TRPV4: variants seen among roughly 807,000 people sequenced by gnomAD.
TRPV4 encodes transient receptor potential cation channel subfamily V member 4, also known as OSM9-like transient receptor potential channel 4.
In TRPV4, 58 loss-of-function variants were observed where a neutral mutation model predicts 84.1. That is an observed-to-expected ratio of 0.69 (90% CI 0.56 to 0.86). TRPV4 has a LOEUF of 0.86. Ranked by LOEUF, TRPV4 falls within the 40% of genes least tolerant of loss-of-function variation. TRPV4 has a pLI of 0.00. For synonymous variants in TRPV4, 489 were observed against 500.9 expected (o/e 0.98, Z 0.32); for missense variants, 879 against 1,181.1 (o/e 0.74, Z 3.75).
Position 109,793,253 on chromosome 12 carries a change from T to C in TRPV4, c.1658+274A>G, listed in dbSNP as rs1374666688. Among the ~76,000 whole-genome samples, 1 of 152,192 alleles carries C rather than the reference T, an allele frequency of 6.6e-6. No individual in the cohort carries two copies. The highest frequency in any genetic ancestry group is 1.5e-5 in the Non-Finnish European group (1 of 68,026). ...AGACACAGGTGCAAAATTCTTAACA[T>C]GGCACTTCAGGCAGACATTAGCAAT... On this transcript the variant is annotated intron_variant, in intron 10 of 15. Transcript: ENST00000261740. This position sits in a 1 kb window ranked among gnomAD's most constrained non-coding sequence, Gnocchi z 4.0.
At chr12:109,805,344 G>A (rs1952010430) in intron 3 of TRPV4, among the ~76,000 whole-genome samples, 1 of 152,172 alleles carries the variant, frequency 6.6e-6, no homozygotes, top group South Asian at 2.1e-4. Flanking sequence ...CCCTGGATTC[G>A]GGCTTTCAGA....
At chr12:109,800,858 T>TG in intron 4 of TRPV4, 100 bp from the exon 5 acceptor site, 1 of 147,674 alleles carries the variant, frequency 6.8e-6, no homozygotes, top group Non-Finnish European at 1.3e-5. Flanking sequence ...AATTGGGGGG[T>TG]GGGGGATGCA....
chr12:109,797,976 G>A lies in TRPV4; in HGVS notation c.1152+638C>T, dbSNP rs1465807884. Among the ~76,000 whole-genome samples, 4 of 152,234 alleles carry A rather than the reference G, an allele frequency of 2.6e-5. No individual in the cohort carries two copies. The East Asian group carries it at 7.7e-4, about 29-fold the overall frequency. On this transcript the variant is annotated intron_variant, in intron 6 of 15. Coordinates refer to ENST00000261740, the MANE Select transcript of TRPV4 (RefSeq NM_021625.5). Reference sequence around the variant, plus strand: ...TGAGGTCACACACTGGGAAGTGGTAGCGCCAGGGCTTGGACAGGTGCTCCT... The same window carrying A: ...TGAGGTCACACACTGGGAAGTGGTAACGCCAGGGCTTGGACAGGTGCTCCT...
At chr12:109,820,513 CCTATTTTT>C (rs1191030923) in intron 1 of TRPV4, among the ~76,000 whole-genome samples, 2 of 106,728 alleles carry the variant, frequency 1.9e-5, no homozygotes, top group African/African-American at 3.1e-5. Context: ...CTTCAGCTGC[CCTATTTTT>C]TTTTTTTTTT....
Position 109,796,838 on chromosome 12 carries a change from T to A in TRPV4, c.1153-134A>T. ...TGGAGGACCCTTTCCTCATCTTGTT[T>A]AATTCTTGCTCTTATTATCTTGGTT... On this transcript the variant is annotated intron_variant, in intron 6 of 15. Transcript: ENST00000261740. This position sits in a 1 kb window ranked among gnomAD's most constrained non-coding sequence, Gnocchi z 4.2. The A allele has an allele frequency of 2.2e-6, 2 of 899,966 alleles. No homozygotes were observed. Among genetic ancestry groups the A allele is most frequent in the Non-Finnish European group, 3.3e-6 (2 of 614,986 alleles). The allele number at this position is 899,966 out of a possible 1,614,324, so 55.7% of individuals were successfully genotyped here.
chr12:109,826,451 T>C (rs777374563), intron 1 of TRPV4, among the ~76,000 whole-genome samples: 11 of 152,260 alleles, frequency 7.2e-5, no homozygotes, highest in Non-Finnish European at 1.3e-4. Context: ...ACCTATCATA[T>C]GCTAAGCACT....
At position 109,786,838 on chromosome 12, in the gene TRPV4, C is replaced by T. The variant is rs1262326007; in HGVS notation, c.2209-1G>A. ...CAATGTCCAGGATGGTGGTGGCCCACTGCGGGGAGGGAGGGTCAGGAGGGA... is the reference window on the plus strand; with the variant it reads ...CAATGTCCAGGATGGTGGTGGCCCATTGCGGGGAGGGAGGGTCAGGAGGGA... On this transcript the variant is annotated splice_acceptor_variant, in intron 13 of 15. Transcript: ENST00000261740. LOFTEE classifies it high-confidence loss of function. The surrounding 1 kb of genome is among the most constrained non-coding windows in gnomAD (Gnocchi z 4.5). The T allele has an allele frequency of 6.2e-7, 1 of 1,613,652 alleles. No homozygotes were observed. Among genetic ancestry groups the T allele is most frequent in the Non-Finnish European group, 8.5e-7 (1 of 1,179,936 alleles).
At chr12:109,788,203 A>G (rs1889812254) in intron 13 of TRPV4, among the ~76,000 whole-genome samples, 197 bp downstream of exon 13, 1 of 152,272 alleles carries the variant, frequency 6.6e-6, no homozygotes, top group African/African-American at 2.4e-5. Context: ...CCAGGCAAGA[A>G]GCCACCTCAA....
At chr12:109,794,255 T>G in intron 8 of TRPV4, 74 bp downstream of exon 8, 40 of 1,565,954 alleles carry the variant, frequency 2.6e-5, no homozygotes, top group Non-Finnish European at 3.2e-5. Flanking sequence ...CCCAGAAGGA[T>G]GAGGTTGTGC....
At position 109,783,216 on chromosome 12, in the gene TRPV4, C is replaced by T. The variant is rs886048937; in HGVS notation, c.*405G>A. On this transcript the variant is annotated 3_prime_UTR_variant, in exon 16 of 16. Transcript: ENST00000261740. This position sits in a 1 kb window ranked among gnomAD's most constrained non-coding sequence, Gnocchi z 4.6. ...GCTGCCACGCTGCCAAAAATGGTGGCGCATGCAGCTCAGGCGCAGGCTGAG... is the reference window on the plus strand; with the variant it reads ...GCTGCCACGCTGCCAAAAATGGTGGTGCATGCAGCTCAGGCGCAGGCTGAG... The T allele has an allele frequency of 6.8e-5, 13 of 189,844 alleles. No homozygotes were observed. The highest frequency in any genetic ancestry group is 2.3e-4 in the Admixed American group (4 of 17,514). 11.8% of individuals were successfully genotyped at this position (189,844 alleles called of 1,614,324 possible).
At chr12:109,830,408 T>A (rs1315739987) in intron 1 of TRPV4, among the ~76,000 whole-genome samples, 1 of 152,224 alleles carries the variant, frequency 6.6e-6, no homozygotes, top group African/African-American at 2.4e-5. Flanking sequence ...AAGTGCTCAA[T>A]AAAGGCTTGC....
chr12:109,801,122 G>A (rs936892580), intron 4 of TRPV4, among the ~76,000 whole-genome samples: 1 of 152,220 alleles, frequency 6.6e-6, no homozygotes, highest in Non-Finnish European at 1.5e-5. Context: ...AGGCAAGCCT[G>A]GGCAACACAG....
intron 1 of TRPV4, among the ~76,000 whole-genome samples, chr12:109,819,090 C>T (rs887172033): frequency 1.3e-5 from 2 of 152,080 alleles, no homozygotes; most frequent in African/African-American, 2.4e-5. Context: ...TGTACACACA[C>T]ACACACACAC....
In TRPV4 at chr12:109,814,811, C is replaced by G; in HGVS notation, c.-15G>C. On this transcript the variant is annotated 5_prime_UTR_variant, in exon 2 of 16. Coordinates refer to ENST00000261740, the MANE Select transcript of TRPV4 (RefSeq NM_021625.5). This position sits in a 1 kb window ranked among gnomAD's most constrained non-coding sequence, Gnocchi z 5.4. The stretch of plus-strand genomic sequence containing the variant: ...GAATCCGCCATGCCTGCCCCAGGCC[C>G]GTCTGCACTGCTCAGCCTGCAAGGG... The G allele has an allele frequency of 2.6e-6, 4 of 1,537,222 alleles. No individual in the cohort carries two copies. The highest frequency in any genetic ancestry group is 3.5e-6 in the Non-Finnish European group (4 of 1,146,822).
chr12:109,792,775 G>A lies in TRPV4; in HGVS notation c.1701C>T (p.Tyr567=). The change falls in exon 11 of 16, where the codon TAC becomes TAT. Residue 567 remains tyrosine (Y), a synonymous_variant. Coordinates refer to ENST00000261740, the MANE Select transcript of TRPV4 (RefSeq NM_021625.5). ...CCAGGTAGGCCTCGATCCCTGCCAG[G>A]TAGAGGGCTGCTGAGACGATCACCA... ...SVLVIVSAAL[Y]LAGIEAYLAV... is the part of the protein sequence containing the mutation. 1.2e-6 allele frequency: 2 copies of A among 1,614,084 alleles called. No homozygotes were observed. The highest frequency in any genetic ancestry group is 2.2e-5 in the East Asian group (1 of 44,882).
intron 1 of TRPV4, among the ~76,000 whole-genome samples, chr12:109,816,502 G>C (rs952095678): frequency 6.6e-6 from 1 of 152,232 alleles, no homozygotes; most frequent in African/African-American, 2.4e-5. Context: ...TTTTGGCTCA[G>C]TGCAGCAGCT....
At position 109,831,598 on chromosome 12, in the gene TRPV4, G is replaced by C. The variant is rs536387109; in HGVS notation, c.-32+1752C>G. Among the ~76,000 whole-genome samples the C allele has an allele frequency of 2.1e-4, 32 of 152,366 alleles. 1 individual carries two copies. The South Asian group carries it at 6.0e-3, about 29-fold the overall frequency. Reference sequence around the variant, plus strand: ...TGCAGAGAGCATTTGCTGGAGGAGGGAGTAAGTGGCAGAGGCCCAGTTGGC... The same window carrying C: ...TGCAGAGAGCATTTGCTGGAGGAGGCAGTAAGTGGCAGAGGCCCAGTTGGC... On this transcript the variant is annotated intron_variant, in intron 1 of 15. Coordinates refer to ENST00000261740, the MANE Select transcript of TRPV4 (RefSeq NM_021625.5).
In TRPV4 at chr12:109,829,028, C is replaced by T. The variant is rs561299941; in HGVS notation, c.-32+4322G>A. 4.6e-5 allele frequency among the ~76,000 whole-genome samples: 7 copies of T among 151,214 alleles called. No individual in the cohort carries two copies. The South Asian group carries it at 1.5e-3, about 32-fold the overall frequency. On this transcript the variant is annotated intron_variant, in intron 1 of 15. Coordinates refer to ENST00000261740, the MANE Select transcript of TRPV4 (RefSeq NM_021625.5). Reference sequence around the variant, plus strand: ...AGTGAGACCCCTGTCTGAAAAAAACCTTTTTTTTTAATAAGCTGGGTGTGT... The same window carrying T: ...AGTGAGACCCCTGTCTGAAAAAAACTTTTTTTTTTAATAAGCTGGGTGTGT...
In TRPV4 at chr12:109,786,299, C is replaced by T. The variant is rs573022948; in HGVS notation, c.2336+411G>A. Among the ~76,000 whole-genome samples the T allele has an allele frequency of 1.8e-4, 27 of 152,216 alleles. No homozygotes were observed. The highest frequency in any genetic ancestry group is 4.1e-4 in the South Asian group (2 of 4,830). ...GCACATTCCTCAGCTTCCCATTTCA[C>T]CGAGGGCACTAGAGCTCACCCCACT... On this transcript the variant is annotated intron_variant, in intron 14 of 15. Coordinates refer to ENST00000261740, the MANE Select transcript of TRPV4 (RefSeq NM_021625.5). The surrounding 1 kb of genome is among the most constrained non-coding windows in gnomAD (Gnocchi z 4.5).
Sources: gnomAD v4.1 joint callset for allele counts (sites outside exome capture counted in the v4.1 genomes callset) on GRCh38, gnomAD v4.1.1 for gene constraint, Gnocchi (gnomAD v3.1) non-coding constraint, MANE v1.5 for transcripts, NCBI Gene and HGNC (gene_info 2026-07-23, HGNC 2026-07-21) for gene names.